Variants in MSL3 observed in about 807,000 individuals in gnomAD.
The protein encoded by MSL3 is MSL complex subunit 3.
A neutral mutation model predicts 37.2 loss-of-function variants in MSL3; 5 were observed. The observed-to-expected ratio is 0.13, with a 90% CI of 0.07 to 0.28. MSL3 has a LOEUF of 0.28. MSL3 is among the 10% of genes least tolerant of loss of function. The pLI, the probability that MSL3 is intolerant of heterozygous loss-of-function variation, is 1.00. For missense variants in MSL3, 315 were observed against 408.5 expected (o/e 0.77, Z 1.97); for synonymous variants, 149 against 147.6 (o/e 1.01, Z -0.07).
chrX:11,758,397 G>A (rs763623916), intron 1 of MSL3, 32 bp downstream of exon 1: 1 of 1,033,402 alleles, frequency 9.7e-7, no homozygotes, highest in Non-Finnish European at 1.3e-6. Flanking sequence ...GAGGAGGCGC[G>A]GGCTGGGGGA....
chrX:11,760,691 A>C (rs1253926566), intron 3 of MSL3, 146 bp from the exon 4 acceptor site: 16 of 566,381 alleles, frequency 2.8e-5, no homozygotes, highest in South Asian at 2.5e-4. Flanking sequence ...TTATTGTATA[A>C]TTTTCTGAAA....
At chrX:11,773,974 G>A (rs901051646) in intron 12 of MSL3, among the ~76,000 whole-genome samples, 3 of 112,249 alleles carry the variant, frequency 2.7e-5, no homozygotes, top group African/African-American at 9.7e-5. Flanking sequence ...GGGAGTCACT[G>A]GGAAGCAAGC....
intron 10 of MSL3, 179 bp downstream of exon 10, chrX:11,768,861 G>T (rs1249600397): frequency 2.5e-6 from 1 of 408,004 alleles, no homozygotes; most frequent in East Asian, 4.1e-5. Flanking sequence ...TGAGAAAATT[G>T]TTAGGATTCC....
intron 10 of MSL3, 184 bp downstream of exon 10, chrX:11,768,866 G>A: frequency 2.5e-6 from 1 of 404,450 alleles, no homozygotes; most frequent in East Asian, 4.2e-5. Flanking sequence ...AAATTGTTAG[G>A]ATTCCAGCCC....
At chrX:11,774,652 A>G (rs1012616296) in intron 12 of MSL3, among the ~76,000 whole-genome samples, 2 of 111,716 alleles carry the variant, frequency 1.8e-5, no homozygotes, top group African/African-American at 3.3e-5. Flanking sequence ...TGTTTGAACA[A>G]CAGAAAAATG....
chrX:11,765,488 C>T lies in MSL3; in HGVS notation c.930C>T (p.Pro310=), dbSNP rs768911192. 2 of 1,195,993 alleles carry T rather than the reference C, an allele frequency of 1.7e-6. No homozygotes were observed. The highest frequency in any genetic ancestry group is 2.3e-6 in the Non-Finnish European group (2 of 886,078). ...CTAGGAGCCAGGAGGAACTCTCTCC[C>T]AGTCCGCCTTTGTTGAATCCATCCA... The part of the protein sequence containing the change: ...STNRSQEELS[P]SPPLLNPSTP... The change falls in exon 9 of 13, where the codon CCC becomes CCT. Residue 310 remains proline, a synonymous_variant. Coordinates refer to ENST00000312196, the MANE Select transcript of MSL3 (RefSeq NM_078629.4).
At chrX:11,773,347 C>T (rs1601774936) in intron 12 of MSL3, among the ~76,000 whole-genome samples, 1 of 111,797 alleles carries the variant, frequency 8.9e-6, no homozygotes, top group East Asian at 2.8e-4. Context: ...TGTCCCCCTG[C>T]CTCACCCAGC....
chrX:11,762,124 T>C lies in MSL3; in HGVS notation c.466-6T>C, dbSNP rs780537608. ...AATAGTTAAAAATGGAATTTTGATA[T>C]TGCAGAAAGAAGAACCAGAGCTTCA... On this transcript the variant is annotated splice_region_variant and splice_polypyrimidine_tract_variant and intron_variant, in intron 5 of 12. Transcript: ENST00000312196. 8.7e-7 allele frequency: 1 copy of C among 1,144,278 alleles called. No individual in the cohort carries two copies. The highest frequency in any genetic ancestry group is 2.1e-5 in the South Asian group (1 of 47,852). 94.3% of individuals were successfully genotyped at this position (1,144,278 alleles called of 1,213,427 possible).
chrX:11,772,329 G>T, intron 11 of MSL3, 74 bp downstream of exon 11: 1 of 873,366 alleles, frequency 1.1e-6, no homozygotes. Context: ...TACACCTTGT[G>T]GTTTGGGCTA....
At chrX:11,766,220 C>T (rs977929833) in intron 9 of MSL3, 2 of 768,077 alleles carry the variant, frequency 2.6e-6, no homozygotes, top group African/African-American at 4.5e-5. Flanking sequence ...CAAACTCCAT[C>T]AGATCTTCTC....
At chrX:11,758,768 A>G in intron 1 of MSL3, 2 of 1,165,847 alleles carry the variant, frequency 1.7e-6, no homozygotes, top group South Asian at 3.8e-5. Flanking sequence ...TGGCCGTCCG[A>G]TCCAGGTTCT....
chrX:11,771,033 G>A lies in MSL3; in HGVS notation c.1282-1123G>A, dbSNP rs187624870. 5.3e-5 allele frequency among the ~76,000 whole-genome samples: 6 copies of A among 112,591 alleles called. No individual in the cohort carries two copies. The East Asian group carries it at 1.7e-3, about 31-fold the overall frequency. On this transcript the variant is annotated intron_variant, in intron 10 of 12. Transcript: ENST00000312196. ...GGTGGAGACCTAGGCGAGAGTCTAG[G>A]CCTGTCTAGGCAGGGGCCAAAGTGA...
Position 11,775,105 on chromosome X carries a change from C to G in MSL3, c.*26C>G. The stretch of plus-strand genomic sequence containing the variant: ...AATGTTGTTGGTTCTGTAAGAGCAA[C>G]TGCTCTGTCTAGTTTGGCGCTCTGG... On this transcript the variant is annotated 3_prime_UTR_variant, in exon 13 of 13. Coordinates refer to ENST00000312196, the MANE Select transcript of MSL3 (RefSeq NM_078629.4). 1.8e-6 allele frequency: 2 copies of G among 1,086,714 alleles called. No homozygotes were observed. Among genetic ancestry groups the G allele is most frequent in the Non-Finnish European group, 2.5e-6 (2 of 784,399 alleles). The allele number at this position is 1,086,714 out of a possible 1,213,427, so 89.6% of individuals were successfully genotyped here. A position where few individuals can be genotyped will look rare whatever the true frequency, so the allele number is the denominator to read the frequency against.
intron 3 of MSL3, 45 bp from the exon 4 acceptor site, chrX:11,760,792 G>A: frequency 9.7e-7 from 1 of 1,028,537 alleles, no homozygotes; most frequent in Non-Finnish European, 1.3e-6. Context: ...AGACTCACGA[G>A]TTCAATGTCA....
chrX:11,760,567 G>A (rs1327231690), intron 3 of MSL3, 69 bp downstream of exon 3: 9 of 747,984 alleles, frequency 1.2e-5, no homozygotes, highest in Non-Finnish European at 1.5e-5. Flanking sequence ...AGATTTTTAT[G>A]ATATAAAAGT....
At chrX:11,773,632 C>T (rs768655730) in intron 12 of MSL3, among the ~76,000 whole-genome samples, 31 of 112,297 alleles carry the variant, frequency 2.8e-4, no homozygotes, top group Non-Finnish European at 4.5e-4. Context: ...ACCCACAACT[C>T]TGTTTGGCAT....
intron 12 of MSL3, among the ~76,000 whole-genome samples, chrX:11,773,891 GTT>G (rs1396254560): frequency 8.9e-6 from 1 of 112,336 alleles, no homozygotes; most frequent in African/African-American, 3.2e-5. Flanking sequence ...AAGAAAAAGA[GTT>G]AGCTATCCAA....
intron 10 of MSL3, among the ~76,000 whole-genome samples, chrX:11,771,872 C>T (rs374618553): frequency 1.6e-4 from 18 of 112,256 alleles, no homozygotes; most frequent in African/African-American, 4.2e-4. Context: ...TGAGCCACCG[C>T]GCCTGGCCAT....
chrX:11,772,297 G>A, intron 11 of MSL3, 42 bp downstream of exon 11: 1 of 1,048,046 alleles, frequency 9.5e-7, no homozygotes, highest in South Asian at 1.9e-5. Context: ...TTTTCATTTT[G>A]TATTCTCTTG....
Sources: allele counts gnomAD v4.1 joint callset (sites outside exome capture counted in the v4.1 genomes callset), GRCh38; gene constraint gnomAD v4.1.1; transcripts MANE v1.5; gene names NCBI Gene and HGNC (gene_info 2026-07-23, HGNC 2026-07-21).